The following THBS2 variants were observed in gnomAD, a reference collection of about 807,000 sequenced individuals.
The protein encoded by THBS2 is thrombospondin 2.
Under a neutral mutation model 135.2 loss-of-function variants are expected in THBS2, and 47 were observed. The observed-to-expected ratio is 0.35, with a 90% CI of 0.28 to 0.44. THBS2 has a LOEUF of 0.44. THBS2 is among the 20% of genes least tolerant of loss of function. The pLI is 1.00. For synonymous variants in THBS2, 639 were observed against 633.8 expected (o/e 1.01, Z -0.12); for missense variants, 1,288 against 1,603.1 (o/e 0.80, Z 3.36).
chr6:169,231,891 C>T lies in THBS2; in HGVS notation c.2151+89G>A, dbSNP rs1036531014. ...CCCTCCTTCCAAATTCCCTGTGCTG[C>T]CCCCGCCCCCCGTCCGCGTAGCGTC... On this transcript the variant is annotated intron_variant, in intron 13 of 21. Transcript: ENST00000617924. The T allele has an allele frequency of 3.6e-6, 5 of 1,402,012 alleles. No individual in the cohort carries two copies. In the African/African-American group the frequency reaches 4.5e-5, roughly 13 times the overall value. The allele number at this position is 1,402,012 out of a possible 1,614,324, so 86.8% of individuals were successfully genotyped here.
chr6:169,232,096 C>G lies in THBS2; in HGVS notation c.2035G>C (p.Glu679Gln). 6.2e-7 allele frequency: 1 copy of G among 1,614,130 alleles called. No homozygotes were observed. ...GHFSDPMYKC[E>Q]CQTGYAGDGL... is the part of the protein sequence containing the mutation. ...TCGCCCGCGTAGCCTGTCTGGCACT[C>G]GCACTTGTACATGGGGTCGCTGAAG... is the stretch of plus-strand genomic sequence containing the variant. Residue 679 changes from glutamate (E) to glutamine (Q), a missense_variant, in exon 13 of 22, where the codon GAG (glutamate) becomes CAG (glutamine). This residue lies in a region of THBS2 where 874 missense variants were observed against 1,156.1 expected (regional missense o/e 0.76). Coordinates refer to ENST00000617924, the MANE Select transcript of THBS2 (RefSeq NM_003247.5).
chr6:169,240,408 C>A, intron 6 of THBS2, 44 bp downstream of exon 6: 2 of 1,603,324 alleles, frequency 1.2e-6, no homozygotes, highest in South Asian at 1.1e-5. Context: ...GCCAAGTGTC[C>A]GATGGTGGCC....
At chr6:169,251,062 C>A (rs1780735377) in intron 1 of THBS2, among the ~76,000 whole-genome samples, 1 of 152,210 alleles carries the variant, frequency 6.6e-6, no homozygotes, top group African/African-American at 2.4e-5. Flanking sequence ...CCTATTATTT[C>A]ATCTTCATAA....
At chr6:169,244,738 C>T (rs1019493794) in intron 4 of THBS2, among the ~76,000 whole-genome samples, 1 of 152,170 alleles carries the variant, frequency 6.6e-6, no homozygotes, top group Non-Finnish European at 1.5e-5. Flanking sequence ...GAAGCTGAGG[C>T]CCTGGCACGC....
At chr6:169,238,438 G>T (rs77341109) in intron 7 of THBS2, among the ~76,000 whole-genome samples, 3,119 of 152,268 alleles carry the variant, frequency 0.02, 110 homozygotes, top group African/African-American at 0.072. Flanking sequence ...GCAGGGAAAT[G>T]AAAGAAAAGA....
rs542533889 is a variant in THBS2 at position 169,216,860 on chromosome 6, A to C, written c.*962T>G. 2.6e-5 allele frequency: 4 copies of C among 152,370 alleles called. No individual in the cohort carries two copies. The South Asian group carries it at 6.2e-4, about 24-fold the overall frequency. The allele number at this position is 152,370 out of a possible 1,614,324, so 9.4% of individuals were successfully genotyped here. A position where few individuals can be genotyped will look rare whatever the true frequency, so the allele number is the denominator to read the frequency against. On this transcript the variant is annotated 3_prime_UTR_variant, in exon 22 of 22. Transcript: ENST00000617924. The stretch of plus-strand genomic sequence containing the variant: ...TATTTATAACTGGAACCTTAATGAA[A>C]TGTATCATCAAATCAGGTAAAAGCA...
chr6:169,235,872 AC>A (rs1780023624), intron 9 of THBS2, among the ~76,000 whole-genome samples: 1 of 53,946 alleles, frequency 1.9e-5, no homozygotes, highest in Non-Finnish European at 3.4e-5. Flanking sequence ...ATCCACACTC[AC>A]TCCCCCATCC....
rs1779975783 is a variant in THBS2, at chr6:169,234,826, A to G, written c.1559T>C (p.Val520Ala). Residue 520 changes from valine (V) to alanine (A), a missense_variant, in exon 10 of 22, where the codon GTC becomes GCC. By Grantham distance (64) the Val-to-Ala change is moderately conservative. Around this residue, in one of 2 missense-constraint regions of THBS2, gnomAD observed 874 missense variants for 1,156.1 expected, o/e 0.76. Transcript: ENST00000617924. The part of the protein sequence containing the change: ...CAGGIRERTR[V>A]CNSPEPQYGG... ...GTACTGAGGCTCAGGGCTGTTGCAG[A>G]CCCGGGTGCGCTCCCGGATCCCACC... is the stretch of plus-strand genomic sequence containing the variant. 6.2e-7 allele frequency: 1 copy of G among 1,613,112 alleles called. No individual in the cohort carries two copies. Among genetic ancestry groups the G allele is most frequent in the Admixed American group, 1.7e-5 (1 of 59,956 alleles).
chr6:169,219,031 G>T (rs1779312802), intron 21 of THBS2, among the ~76,000 whole-genome samples: 1 of 150,444 alleles, frequency 6.6e-6, no homozygotes, highest in Non-Finnish European at 1.5e-5. Context: ...GTGGATGGAT[G>T]GATGAGTAGG....
intron 20 of THBS2, 51 bp from the exon 21 acceptor site, chr6:169,220,388 CTG>C (rs757968139): frequency 1.9e-6 from 3 of 1,578,572 alleles, no homozygotes; most frequent in Non-Finnish European, 2.6e-6. Context: ...AACATGAACT[CTG>C]TGAAGCATTC....
At position 169,252,273 on chromosome 6, in the gene THBS2, G is replaced by C. The variant is rs1780782161; in HGVS notation, c.-23+1451C>G. On this transcript the variant is annotated intron_variant, in intron 1 of 21. Coordinates refer to ENST00000617924, the MANE Select transcript of THBS2 (RefSeq NM_003247.5). This position sits in a 1 kb window ranked among gnomAD's most constrained non-coding sequence, Gnocchi z 4.3. ...GGTTTAATGACAGGAGCGAACACTT[G>C]GCCATGAGCTTAGAACAGTACCTGC... The C allele has an allele frequency of 6.6e-6, 1 of 152,134 alleles. No individual in the cohort carries two copies. The allele number at this position is 152,134 out of a possible 1,614,324, so 9.4% of individuals were successfully genotyped here. A position where few individuals can be genotyped will look rare whatever the true frequency, so the allele number is the denominator to read the frequency against.
chr6:169,221,627 T>A, intron 19 of THBS2, 100 bp from the exon 20 acceptor site: 1 of 1,009,434 alleles, frequency 9.9e-7, no homozygotes, highest in South Asian at 1.3e-5. Flanking sequence ...CTTTGCAAGT[T>A]CATGCTTAAG....
In THBS2 at chr6:169,215,858, T is replaced by G. The variant is rs1302776250; in HGVS notation, c.*1964A>C. The G allele has an allele frequency of 1.3e-5, 2 of 152,588 alleles. No homozygotes were observed. Among genetic ancestry groups the G allele is most frequent in the Non-Finnish European group, 2.9e-5 (2 of 68,052 alleles). 9.5% of individuals were successfully genotyped at this position (152,588 alleles called of 1,614,324 possible). A position where few individuals can be genotyped will look rare whatever the true frequency, so the allele number is the denominator to read the frequency against. ...ATGAGGTTCTAGCTAAGTGCAGGGT[T>G]TCAGTGGTGAAATTTTGACCATGTG... is the stretch of plus-strand genomic sequence containing the variant. On this transcript the variant is annotated 3_prime_UTR_variant, in exon 22 of 22. Transcript: ENST00000617924.
chr6:169,235,317 C>T (rs574202259), intron 9 of THBS2, among the ~76,000 whole-genome samples: 49 of 152,138 alleles, frequency 3.2e-4, no homozygotes, highest in African/African-American at 9.4e-4. Context: ...CCACCGTGCC[C>T]GGCCCCACAC....
chr6:169,231,945 G>A (rs753218774), intron 13 of THBS2, 35 bp downstream of exon 13: 23 of 1,606,380 alleles, frequency 1.4e-5, no homozygotes, highest in Non-Finnish European at 1.9e-5. Flanking sequence ...GCTGACCGCC[G>A]TGGCCCCGTG....
rs535971273 is a variant in THBS2 at position 169,228,906 on chromosome 6, C to CAAA, written c.2260-628_2260-626dup. 2.5e-4 allele frequency among the ~76,000 whole-genome samples: 28 copies of CAAA among 112,870 alleles called. 1 individual carries two copies. The highest frequency in any genetic ancestry group is 7.2e-4 in the African/African-American group (21 of 29,258). The allele number at this position is 112,870 out of a possible 152,430, so 74.0% of individuals were successfully genotyped here. ...GCCATTGCACTCAAGCCTGAGCGAC[C>CAAA]AAAAAAAAAAAAAAAAAGAGTTAGC... On this transcript the variant is annotated intron_variant, in intron 14 of 21. Transcript: ENST00000617924.
rs1779181549 is a variant in THBS2 at position 169,216,615 on chromosome 6, T to C, written c.*1207A>G. 1 of 152,156 alleles carries C rather than the reference T, an allele frequency of 6.6e-6. No individual in the cohort carries two copies. The highest frequency in any genetic ancestry group is 2.1e-4 in the South Asian group (1 of 4,818). 9.4% of individuals were successfully genotyped at this position (152,156 alleles called of 1,614,324 possible). On this transcript the variant is annotated 3_prime_UTR_variant, in exon 22 of 22. Transcript: ENST00000617924. Reference sequence around the variant, plus strand: ...GCAACATTATATATTTAAGGTTCCATCATAAACTCCTCATTATTCTCTATG... The same window carrying C: ...GCAACATTATATATTTAAGGTTCCACCATAAACTCCTCATTATTCTCTATG...
chr6:169,219,667 G>C (rs1392580932), intron 21 of THBS2: 1 of 427,080 alleles, frequency 2.3e-6, no homozygotes, highest in Non-Finnish European at 4.7e-6. Flanking sequence ...TTCAATGTGT[G>C]ATTCTTGAGA....
intron 17 of THBS2, 54 bp downstream of exon 17, chr6:169,225,091 C>T (rs1359889161): frequency 1.2e-5 from 19 of 1,551,968 alleles, no homozygotes; most frequent in South Asian, 4.5e-5. Flanking sequence ...TCTGCCCTGG[C>T]GGGTTGCTCA....
Sources: gnomAD v4.1 joint callset for allele counts (sites outside exome capture counted in the v4.1 genomes callset) on GRCh38, gnomAD v4.1.1 for gene constraint, gnomAD v4.1.1 regional missense constraint, Gnocchi (gnomAD v3.1) non-coding constraint, MANE v1.5 for transcripts, NCBI Gene and HGNC (gene_info 2026-07-23, HGNC 2026-07-21) for gene names.